The following ARSF variants were observed in gnomAD, a reference collection of about 807,000 sequenced individuals.
ARSF encodes arylsulfatase F.
ARSF carries 33 observed loss-of-function variants against 35.4 expected under a neutral mutation model. That is an observed-to-expected ratio of 0.93 (90% CI 0.71 to 1.25). The LOEUF (loss-of-function observed/expected upper bound fraction) is 1.25. ARSF is among the 50% of genes most tolerant of loss of function. ARSF has a pLI of 0.00. For synonymous variants in ARSF, 222 were observed against 193.1 expected (o/e 1.15, Z -1.24); for missense variants, 501 against 480.2 (o/e 1.04, Z -0.40).
At chrX:3,092,323 C>T (rs891967988) in intron 7 of ARSF, among the ~76,000 whole-genome samples, 17 of 111,534 alleles carry the variant, frequency 1.5e-4, no homozygotes, top group Admixed American at 2.9e-4. Context: ...AAAATCGTGG[C>T]GATCCTATTT....
chrX:3,045,857 T>C (rs1270346286), intron 1 of ARSF, among the ~76,000 whole-genome samples: 8 of 109,945 alleles, frequency 7.3e-5, no homozygotes, highest in African/African-American at 2.0e-4. Flanking sequence ...GCTAGTGCCA[T>C]GTCGCCTGTT....
chrX:3,069,870 G>A (rs1426651972), intron 2 of ARSF, among the ~76,000 whole-genome samples: 1 of 111,452 alleles, frequency 9.0e-6, no homozygotes, highest in African/African-American at 3.3e-5. Context: ...GCTAATGCAT[G>A]TTACCTCATC....
At chrX:3,053,015 G>C (rs764611498) in intron 1 of ARSF, among the ~76,000 whole-genome samples, 1 of 111,391 alleles carries the variant, frequency 9.0e-6, no homozygotes, top group South Asian at 3.8e-4. Flanking sequence ...TGAACAGGCT[G>C]CAAATTAGCA....
intron 9 of ARSF, among the ~76,000 whole-genome samples, chrX:3,104,974 A>T (rs183647618): frequency 1.1e-3 from 118 of 111,665 alleles, no homozygotes; most frequent in African/African-American, 3.7e-3. Context: ...TCAAGAGGAG[A>T]TCGTTCATAC....
intron 7 of ARSF, among the ~76,000 whole-genome samples, chrX:3,094,132 A>C (rs1352286251): frequency 8.9e-6 from 1 of 111,761 alleles, no homozygotes; most frequent in Non-Finnish European, 1.9e-5. Context: ...TTCTGGATGA[A>C]TCCCCACAAC....
Position 3,065,313 on chromosome X carries a change from T to C in ARSF, c.-28-2760T>C, listed in dbSNP as rs182129800. On this transcript the variant is annotated intron_variant, in intron 1 of 10. Transcript: ENST00000381127. ...GTGGGGGGTTGGGGGAGGGATAGCA[T>C]TGGGAGAGATACCTAATGTAAATGA... is the stretch of plus-strand genomic sequence containing the variant. 2.4e-4 allele frequency among the ~76,000 whole-genome samples: 26 copies of C among 108,133 alleles called. No individual in the cohort carries two copies. The East Asian group carries it at 3.5e-3, about 14-fold the overall frequency. The allele number at this position is 108,133 out of a possible 115,157, so 93.9% of individuals were successfully genotyped here.
chrX:3,112,176 G>A lies in ARSF; in HGVS notation c.1393G>A (p.Gly465Arg). ...CGAGTCTCTCTTTTCTCCTCCAGGT[G>A]GGTCAGTTTGGAAGGCTCACTATGT... ...AVRWIPKDDS[G>R]SVWKAHYVTP... The change falls in exon 11 of 11, where the codon GGG (glycine) becomes AGG (arginine). Residue 465 changes from glycine (G) to arginine (R), a missense_variant and splice_region_variant. Coordinates refer to ENST00000381127, the MANE Select transcript of ARSF (RefSeq NM_001201539.2). The A allele has an allele frequency of 8.3e-7, 1 of 1,200,325 alleles. No individual in the cohort carries two copies. The highest frequency in any genetic ancestry group is 1.1e-6 in the Non-Finnish European group (1 of 889,609).
chrX:3,081,539 G>A (rs2090201976), intron 5 of ARSF, among the ~76,000 whole-genome samples: 1 of 110,879 alleles, frequency 9.0e-6, no homozygotes, highest in South Asian at 3.9e-4. Flanking sequence ...GTTTCATCAT[G>A]TTGGCCAGGC....
intron 7 of ARSF, among the ~76,000 whole-genome samples, chrX:3,098,523 G>C (rs5983008): frequency 0.043 from 4,783 of 110,495 alleles, 277 homozygotes; most frequent in African/African-American, 0.15. Context: ...TCTCATGGTA[G>C]TGAATAAGTC....
intron 1 of ARSF, among the ~76,000 whole-genome samples, chrX:3,060,837 A>T (rs1326116527): frequency 8.9e-6 from 1 of 111,994 alleles, no homozygotes; most frequent in Non-Finnish European, 1.9e-5. Context: ...TCTACATCTG[A>T]TTGGTGTACC....
At chrX:3,057,572 T>C (rs1379773489) in intron 1 of ARSF, among the ~76,000 whole-genome samples, 1 of 111,775 alleles carries the variant, frequency 8.9e-6, no homozygotes, top group Non-Finnish European at 1.9e-5. Flanking sequence ...ATTTCACCCA[T>C]GAGAAAAGTG....
chrX:3,110,245 G>A lies in ARSF; in HGVS notation c.1383G>A (p.Lys461=). Residue 461 remains lysine, a synonymous_variant, in exon 10 of 11, where the codon AAG becomes AAA. Coordinates refer to ENST00000381127, the MANE Select transcript of ARSF (RefSeq NM_001201539.2). ...TGCACGCCGTGCGGTGGATCCCCAAGGACGACAGTGAGTGCTCAACCCGTT... is the reference window on the plus strand; with the variant it reads ...TGCACGCCGTGCGGTGGATCCCCAAAGACGACAGTGAGTGCTCAACCCGTT... ...SYLHAVRWIP[K]DDSGSVWKAH... 1 of 1,176,693 alleles carries A rather than the reference G, an allele frequency of 8.5e-7. No homozygotes were observed. The highest frequency in any genetic ancestry group is 1.1e-6 in the Non-Finnish European group (1 of 876,167).
At chrX:3,040,416 C>T (rs1318551463), upstream of ARSF, among the ~76,000 whole-genome samples, 1 of 110,768 alleles carries the variant, frequency 9.0e-6, no homozygotes, top group African/African-American at 3.3e-5. Context: ...TTTCTACCTC[C>T]TTTTTATTTT....
At chrX:3,083,743 A>G (rs2090223000) in intron 5 of ARSF, among the ~76,000 whole-genome samples, 1 of 111,415 alleles carries the variant, frequency 9.0e-6, no homozygotes, top group Non-Finnish European at 1.9e-5. Flanking sequence ...ATCTCTAGCT[A>G]GCTAGCTAGC....
intron 1 of ARSF, among the ~76,000 whole-genome samples, chrX:3,054,478 A>G (rs1038420973): frequency 2.7e-5 from 3 of 110,057 alleles, no homozygotes; most frequent in African/African-American, 6.6e-5. Flanking sequence ...TATTATCATT[A>G]CTTGAAACAG....
chrX:3,085,938 T>C (rs1413036584), intron 6 of ARSF, among the ~76,000 whole-genome samples: 1 of 110,943 alleles, frequency 9.0e-6, no homozygotes, highest in Non-Finnish European at 1.9e-5. Flanking sequence ...GGAGAATCGC[T>C]TGAATCCGGG....
At chrX:3,045,250 G>A (rs1212516038) in intron 1 of ARSF, among the ~76,000 whole-genome samples, 2 of 111,746 alleles carry the variant, frequency 1.8e-5, no homozygotes, top group Non-Finnish European at 3.8e-5. Flanking sequence ...GTAAATACCC[G>A]AGATTCATTG....
chrX:3,063,060 A>C (rs1372892514), intron 1 of ARSF, among the ~76,000 whole-genome samples: 3 of 111,965 alleles, frequency 2.7e-5, no homozygotes, highest in African/African-American at 9.7e-5. Flanking sequence ...CCTCAATAAA[A>C]TACTGGCAAA....
At chrX:3,052,878 GTC>G (rs1035563335) in intron 1 of ARSF, among the ~76,000 whole-genome samples, 3 of 111,370 alleles carry the variant, frequency 2.7e-5, no homozygotes, top group African/African-American at 9.8e-5. Context: ...TAAAGAACCT[GTC>G]TCTCTGAAGT....
Sources: gnomAD v4.1 joint callset for allele counts (sites outside exome capture counted in the v4.1 genomes callset) on GRCh38, gnomAD v4.1.1 for gene constraint, MANE v1.5 for transcripts, NCBI Gene and HGNC (gene_info 2026-07-23, HGNC 2026-07-21) for gene names.